The following CDH13 variants were observed in gnomAD, a reference collection of about 807,000 sequenced individuals.
CDH13 encodes the protein cadherin-13.
A neutral mutation model predicts 63.8 loss-of-function variants in CDH13; 24 were observed. The ratio of observed to expected loss-of-function variants is 0.38; its 90% CI spans 0.27 to 0.53. The LOEUF (loss-of-function observed/expected upper bound fraction) is 0.53, where lower values mean the gene tolerates loss of function less well. Among genes scored for constraint, CDH13 ranks in the 20% least tolerant of loss-of-function variants. The pLI, the probability that CDH13 is intolerant of heterozygous loss-of-function variation, is 0.85. For missense variants in CDH13, 1,049 were observed against 903.1 expected (o/e 1.16, Z -2.07); for synonymous variants, 503 against 355.3 (o/e 1.42, Z -4.67).
At chr16:83,105,000 T>C (rs1016671084) in intron 3 of CDH13, among the ~76,000 whole-genome samples, 1 of 152,210 alleles carries the variant, frequency 6.6e-6, no homozygotes, top group Non-Finnish European at 1.5e-5. Context: ...CTCTCTCTTT[T>C]GGCATTCCTT....
At chr16:83,676,675 A>G (rs1337891296) in intron 9 of CDH13, among the ~76,000 whole-genome samples, 1 of 152,160 alleles carries the variant, frequency 6.6e-6, no homozygotes, top group East Asian at 1.9e-4. Context: ...TTAAAATCCT[A>G]TTACTGACCC....
chr16:83,217,867 A>T (rs1294606929), intron 5 of CDH13, among the ~76,000 whole-genome samples: 1 of 152,214 alleles, frequency 6.6e-6, no homozygotes, highest in Non-Finnish European at 1.5e-5. Flanking sequence ...TTAGCAAGAC[A>T]TGGTCCTTAG....
intron 8 of CDH13, among the ~76,000 whole-genome samples, chr16:83,663,665 T>C (rs891052832): frequency 6.6e-6 from 1 of 152,170 alleles, no homozygotes; most frequent in African/African-American, 2.4e-5. Context: ...GGGAGAGGCA[T>C]GCCCCAGGTT....
chr16:83,390,661 C>T (rs1029037253), intron 6 of CDH13, among the ~76,000 whole-genome samples: 22 of 152,072 alleles, frequency 1.4e-4, no homozygotes, highest in African/African-American at 4.8e-4. Context: ...AGCCATGGCC[C>T]GAGATCAGAT....
intron 5 of CDH13, among the ~76,000 whole-genome samples, chr16:83,301,024 G>GTTTTTTTTTTTTTTTTT (rs1567574870): frequency 3.7e-5 from 2 of 53,944 alleles, no homozygotes; most frequent in African/African-American, 1.3e-4. Context: ...AACTTTCTGG[G>GTTTTTTTTTTTTTTTTT]GTTTTTTTTT....
At chr16:82,959,172 C>A (rs1445586825) in intron 2 of CDH13, among the ~76,000 whole-genome samples, 3 of 152,152 alleles carry the variant, frequency 2.0e-5, no homozygotes, top group Non-Finnish European at 1.5e-5. Context: ...ATTTGGAAAG[C>A]CTCTACTTTA....
rs578016093 is a variant in CDH13 at position 82,698,714 on chromosome 16, A to T, written c.45+71577A>T. 1.6e-4 allele frequency among the ~76,000 whole-genome samples: 25 copies of T among 152,328 alleles called. No homozygotes were observed. The South Asian group carries it at 2.7e-3, about 16-fold the overall frequency. ...TTGTCAAAGAGGGAGGGCACTGAAT[A>T]GCTCCATGGCACAGGGGGGCGTGAA... On this transcript the variant is annotated intron_variant, in intron 1 of 13. Transcript: ENST00000567109.
chr16:83,228,485 G>C (rs2039908483), intron 5 of CDH13, among the ~76,000 whole-genome samples: 2 of 152,204 alleles, frequency 1.3e-5, no homozygotes, highest in Non-Finnish European at 2.9e-5. Context: ...CCACACGCTA[G>C]CTGGGGCAAT....
chr16:83,510,993 C>G (rs780311700), intron 7 of CDH13, among the ~76,000 whole-genome samples: 12 of 152,266 alleles, frequency 7.9e-5, no homozygotes, highest in Non-Finnish European at 1.5e-4. Context: ...GAACTGCACA[C>G]ATTGGTATTA....
intron 7 of CDH13, among the ~76,000 whole-genome samples, chr16:83,498,945 TG>T (rs1276734682): frequency 6.6e-6 from 1 of 152,210 alleles, no homozygotes; most frequent in Non-Finnish European, 1.5e-5. Flanking sequence ...CTCCTGCCCT[TG>T]GGGGGAAATG....
At chr16:83,337,621 ATTTTTTTTTTTT>A (rs66957563) in intron 5 of CDH13, among the ~76,000 whole-genome samples, 2 of 52,282 alleles carry the variant, frequency 3.8e-5, no homozygotes, top group Non-Finnish European at 6.3e-5. Flanking sequence ...TGACAAGCGT[ATTTTTTTTTTTT>A]TTTTTTTTTT....
In CDH13 at chr16:83,174,023, G is replaced by A. The variant is rs541334098; in HGVS notation, c.484-43322G>A. 8.1e-4 allele frequency among the ~76,000 whole-genome samples: 123 copies of A among 152,088 alleles called. 2 individuals are homozygous for A. The highest frequency in any genetic ancestry group is 2.7e-3 in the African/African-American group (111 of 41,494). ...AACAATCCTCCTCCAGTTATCACTCGAGGGAAAGGAGAGGGACTTATGGGG... is the reference window on the plus strand; with the variant it reads ...AACAATCCTCCTCCAGTTATCACTCAAGGGAAAGGAGAGGGACTTATGGGG... On this transcript the variant is annotated intron_variant, in intron 4 of 13. Coordinates refer to ENST00000567109, the MANE Select transcript of CDH13 (RefSeq NM_001257.5).
chr16:83,266,913 C>A (rs910013569), intron 5 of CDH13, among the ~76,000 whole-genome samples: 3 of 152,202 alleles, frequency 2.0e-5, no homozygotes, highest in Non-Finnish European at 2.9e-5. Flanking sequence ...GTTACCTCTA[C>A]CTCTCAGCTG....
At chr16:83,591,786 A>G (rs1598341175) in intron 7 of CDH13, among the ~76,000 whole-genome samples, 1 of 152,048 alleles carries the variant, frequency 6.6e-6, no homozygotes. Flanking sequence ...TTTTATCTTC[A>G]CCCAAGCCGT....
At chr16:82,712,594 G>A (rs2032032922) in intron 1 of CDH13, among the ~76,000 whole-genome samples, 1 of 152,196 alleles carries the variant, frequency 6.6e-6, no homozygotes, top group Admixed American at 6.5e-5. Context: ...TCACATGGAT[G>A]TCTACAAAAT....
At chr16:82,855,564 AT>A (rs1430130032) in intron 1 of CDH13, among the ~76,000 whole-genome samples, 1 of 152,076 alleles carries the variant, frequency 6.6e-6, no homozygotes, top group Non-Finnish European at 1.5e-5. Context: ...TTGCCAGCAG[AT>A]TTTTCTGACT....
intron 4 of CDH13, among the ~76,000 whole-genome samples, chr16:83,173,433 C>G (rs1390665211): frequency 6.6e-6 from 1 of 152,064 alleles, no homozygotes; most frequent in Non-Finnish European, 1.5e-5. Flanking sequence ...ATTTCTAGCA[C>G]ATAGTTAACC....
At chr16:82,970,486 A>G (rs6565093) in intron 2 of CDH13, among the ~76,000 whole-genome samples, 21,007 of 112,350 alleles carry the variant, frequency 0.19, 2,971 homozygotes, top group African/African-American at 0.3. Flanking sequence ...TGCAAGCTCC[A>G]CTTCCCGGGT....
intron 1 of CDH13, among the ~76,000 whole-genome samples, chr16:82,789,677 A>T (rs970850102): frequency 6.6e-6 from 1 of 152,218 alleles, no homozygotes; most frequent in East Asian, 1.9e-4. Flanking sequence ...AGGGAGTGTC[A>T]AGCAATTGCT....
Sources: gnomAD v4.1 joint callset for allele counts (sites outside exome capture counted in the v4.1 genomes callset) on GRCh38, gnomAD v4.1.1 for gene constraint, MANE v1.5 for transcripts, NCBI Gene and HGNC (gene_info 2026-07-23, HGNC 2026-07-21) for gene names.